The following TNFRSF1B variants were observed in gnomAD, a reference collection of about 807,000 sequenced individuals.
TNFRSF1B encodes TNF receptor superfamily member 1B.
In TNFRSF1B, 19 loss-of-function variants were observed where a neutral mutation model predicts 44.6. The ratio of observed to expected loss-of-function variants is 0.43; its 90% CI spans 0.30 to 0.62. The LOEUF (loss-of-function observed/expected upper bound fraction) is 0.62. Among genes scored for constraint, TNFRSF1B ranks in the 20% least tolerant of loss-of-function variants. The probability of loss-of-function intolerance (pLI) is 0.16; values close to 1 mark genes in which losing one functional copy is unlikely to be tolerated. For missense variants in TNFRSF1B, 541 were observed against 619.9 expected, an observed-to-expected ratio of 0.87 and a Z score of 1.35; for synonymous variants, 252 against 261.1, an observed-to-expected ratio of 0.97 and a Z score of 0.34.
In TNFRSF1B at chr1:12,192,915, T is replaced by TCCACGTCCC; in HGVS notation, c.609_617dup (p.Ser204_Thr206dup). Reference sequence around the variant, plus strand: ...TGCAAGCATGGATGCAGTCTGCACGTCCACGTCCCCCACCCGGAGTATGGC... The same window carrying TCCACGTCCC: ...TGCAAGCATGGATGCAGTCTGCACGTCCACGTCCCCCACGTCCCCCACCCGGAGTATGGC... On this transcript the variant is annotated inframe_insertion, in exon 6 of 10. Transcript: ENST00000376259. 1.2e-6 allele frequency: 2 copies of TCCACGTCCC among 1,614,104 alleles called. No individual in the cohort carries two copies. The highest frequency in any genetic ancestry group is 1.7e-6 in the Non-Finnish European group (2 of 1,180,008).
At chr1:12,185,030 G>A (rs567462796) in intron 1 of TNFRSF1B, among the ~76,000 whole-genome samples, 28 of 152,312 alleles carry the variant, frequency 1.8e-4, no homozygotes, top group Admixed American at 1.4e-3. Context: ...TTGGGGAAGC[G>A]CCCAGCAGCA....
In TNFRSF1B at chr1:12,178,615, G is replaced by T. The variant is rs973617623; in HGVS notation, c.79-10181G>T. Among the ~76,000 whole-genome samples the T allele has an allele frequency of 6.6e-6, 1 of 152,066 alleles. No homozygotes were observed. The highest frequency in any genetic ancestry group is 1.5e-5 in the Non-Finnish European group (1 of 68,012). ...ACAGGAGCCCCTAGGAGGGACCTCT[G>T]ACCTCCCTGAAATGATGGCAGAGGG... On this transcript the variant is annotated intron_variant, in intron 1 of 9. Transcript: ENST00000376259. The surrounding 1 kb of genome is among the most constrained non-coding windows in gnomAD (Gnocchi z 4.3).
rs1639556476 is a variant in TNFRSF1B at position 12,208,217 on chromosome 1, C to T, written c.*1197C>T. 6.5e-6 allele frequency: 1 copy of T among 152,926 alleles called. No individual in the cohort carries two copies. The highest frequency in any genetic ancestry group is 2.4e-5 in the African/African-American group (1 of 41,442). The allele number at this position is 152,926 out of a possible 1,614,324, so 9.5% of individuals were successfully genotyped here. On this transcript the variant is annotated 3_prime_UTR_variant, in exon 10 of 10. Transcript: ENST00000376259. ...CCTTCCTTGCTGTCCTAGGCCACACCATCTCCTTTCAGGGAATTTCAGGAA... is the reference window on the plus strand; with the variant it reads ...CCTTCCTTGCTGTCCTAGGCCACACTATCTCCTTTCAGGGAATTTCAGGAA...
intron 2 of TNFRSF1B, 66 bp downstream of exon 2, chr1:12,188,961 G>C (rs368329439): frequency 2.0e-6 from 3 of 1,465,254 alleles, no homozygotes; most frequent in Non-Finnish European, 9.4e-7. Flanking sequence ...CAGGGGCTGG[G>C]GCGCAAGAGC....
At chr1:12,197,711 T>A (rs1639295720) in intron 8 of TNFRSF1B, among the ~76,000 whole-genome samples, 1 of 152,160 alleles carries the variant, frequency 6.6e-6, no homozygotes, top group Non-Finnish European at 1.5e-5. Flanking sequence ...AAGAGGCCAG[T>A]GGAGAGTCCT....
In TNFRSF1B at chr1:12,199,221, G is replaced by A. The variant is rs1342625225; in HGVS notation, c.901-2746G>A. On this transcript the variant is annotated intron_variant, in intron 8 of 9. Transcript: ENST00000376259. This position sits in a 1 kb window ranked among gnomAD's most constrained non-coding sequence, Gnocchi z 4.0. ...AGGCCAGAAAAACCCCTTTTGTGGG[G>A]TTGTGAGGAGTGACAATTGGCTGCT... Among the ~76,000 whole-genome samples, 1 of 152,240 alleles carries A rather than the reference G, an allele frequency of 6.6e-6. No homozygotes were observed. Among genetic ancestry groups the A allele is most frequent in the Non-Finnish European group, 1.5e-5 (1 of 68,040 alleles).
In TNFRSF1B at chr1:12,202,026, G is replaced by A. The variant is rs1226576469; in HGVS notation, c.960G>A (p.Leu320=). 6 of 1,612,654 alleles carry A rather than the reference G, an allele frequency of 3.7e-6. No homozygotes were observed. Among genetic ancestry groups the A allele is most frequent in the Middle Eastern group, 1.7e-4 (1 of 6,054 alleles). ...AGGGCCCCGAGCAGCAGCACCTGCT[G>A]ATCACAGCGCCGAGCTCCAGCAGCA... The part of the protein sequence containing the change: ...GTQGPEQQHL[L]ITAPSSSSSS... Residue 320 remains leucine, a synonymous_variant, in exon 9 of 10, where the codon CTG becomes CTA. Transcript: ENST00000376259.
intron 2 of TNFRSF1B, among the ~76,000 whole-genome samples, chr1:12,189,423 G>T (rs1205665160): frequency 6.6e-6 from 1 of 152,196 alleles, no homozygotes; most frequent in Non-Finnish European, 1.5e-5. Context: ...AGCACGTGGC[G>T]CAATGCCATG....
chr1:12,200,162 G>A (rs565931149), intron 8 of TNFRSF1B, among the ~76,000 whole-genome samples: 3 of 152,090 alleles, frequency 2.0e-5, no homozygotes, highest in Non-Finnish European at 4.4e-5. Context: ...TTTCCACAAA[G>A]CAAGGATAAC....
chr1:12,203,614 G>C (rs1639438233), intron 9 of TNFRSF1B, among the ~76,000 whole-genome samples: 2 of 152,200 alleles, frequency 1.3e-5, no homozygotes, highest in African/African-American at 4.8e-5. Context: ...GGGAGGGCCT[G>C]GGCCAGTGCC....
At chr1:12,197,766 C>T (rs1278923282) in intron 8 of TNFRSF1B, among the ~76,000 whole-genome samples, 1 of 152,210 alleles carries the variant, frequency 6.6e-6, no homozygotes, top group Non-Finnish European at 1.5e-5. Context: ...CAGCACCCAC[C>T]TGCTCCTCCT....
chr1:12,169,068 C>A lies in TNFRSF1B; in HGVS notation c.78+1899C>A, dbSNP rs889887382. Among the ~76,000 whole-genome samples, 3 of 152,214 alleles carry A rather than the reference C, an allele frequency of 2.0e-5. No homozygotes were observed. The highest frequency in any genetic ancestry group is 2.9e-5 in the Non-Finnish European group (2 of 68,040). ...TCCCCTCTCCAAGGGACACTTCTTA[C>A]CCCTATCCTTCAAGGCCTTCTGCAA... is the stretch of plus-strand genomic sequence containing the variant. On this transcript the variant is annotated intron_variant, in intron 1 of 9. Coordinates refer to ENST00000376259, the MANE Select transcript of TNFRSF1B (RefSeq NM_001066.3). The surrounding 1 kb of genome is among the most constrained non-coding windows in gnomAD (Gnocchi z 4.5).
Position 12,169,614 on chromosome 1 carries a change from G to T in TNFRSF1B, c.78+2445G>T, listed in dbSNP as rs893803562. On this transcript the variant is annotated intron_variant, in intron 1 of 9. Transcript: ENST00000376259. This position sits in a 1 kb window ranked among gnomAD's most constrained non-coding sequence, Gnocchi z 4.5. The stretch of plus-strand genomic sequence containing the variant: ...CAGGATGGAAGTCAACTGAGCTGCA[G>T]AAGAAGCCCCCAGGAGACCTGAGCT... Among the ~76,000 whole-genome samples, 1 of 152,264 alleles carries T rather than the reference G, an allele frequency of 6.6e-6. No individual in the cohort carries two copies. Among genetic ancestry groups the T allele is most frequent in the East Asian group, 1.9e-4 (1 of 5,208 alleles).
rs771452615 is a variant in TNFRSF1B at position 12,206,848 on chromosome 1, T to C, written c.1214T>C (p.Met405Thr). ...SQCSSQASST[M>T]GDTDSSPSES... is the part of the protein sequence containing the mutation. The stretch of plus-strand genomic sequence containing the variant: ...TGCTCCTCCCAAGCCAGCTCCACAA[T>C]GGGAGACACAGATTCCAGCCCCTCG... Residue 405 changes from methionine (M) to threonine (T), a missense_variant, in exon 10 of 10, where the codon ATG becomes ACG. By Grantham distance (81) the Met-to-Thr change is moderately conservative (BLOSUM62 -1). Transcript: ENST00000376259. 1.9e-6 allele frequency: 3 copies of C among 1,614,050 alleles called. No homozygotes were observed. In the South Asian group the frequency reaches 3.3e-5, roughly 18 times the overall value.
In TNFRSF1B at chr1:12,202,053, C is replaced by T. The variant is rs368749492; in HGVS notation, c.987C>T (p.Ser329=). The T allele has an allele frequency of 5.6e-6, 9 of 1,609,224 alleles. No individual in the cohort carries two copies. The highest frequency in any genetic ancestry group is 1.6e-4 in the Middle Eastern group (1 of 6,066). ...LLITAPSSSS[S]SLESSASALD... is the part of the protein sequence containing the mutation. The stretch of plus-strand genomic sequence containing the variant: ...TCACAGCGCCGAGCTCCAGCAGCAG[C>T]TCCCTGGAGAGCTCGGCCAGTGCGT... The change falls in exon 9 of 10, where the codon AGC becomes AGT. Residue 329 remains serine (S), a synonymous_variant. Coordinates refer to ENST00000376259, the MANE Select transcript of TNFRSF1B (RefSeq NM_001066.3).
Position 12,184,657 on chromosome 1 carries a change from G to A in TNFRSF1B, c.79-4139G>A, listed in dbSNP as rs17885692. Among the ~76,000 whole-genome samples the A allele has an allele frequency of 4.1e-3, 627 of 152,300 alleles. 4 individuals carry two copies. Among genetic ancestry groups the A allele is most frequent in the Middle Eastern group, 6.8e-3 (2 of 294 alleles). ...GTGGCCAGGAGCCCTCGTCCATTGCGGCTCTTGAGAGCCCAAACTTGGCCA... is the reference window on the plus strand; with the variant it reads ...GTGGCCAGGAGCCCTCGTCCATTGCAGCTCTTGAGAGCCCAAACTTGGCCA... On this transcript the variant is annotated intron_variant, in intron 1 of 9. Coordinates refer to ENST00000376259, the MANE Select transcript of TNFRSF1B (RefSeq NM_001066.3).
At chr1:12,197,410 C>G (rs1371831066) in intron 8 of TNFRSF1B, among the ~76,000 whole-genome samples, 1 of 152,190 alleles carries the variant, frequency 6.6e-6, no homozygotes, top group Non-Finnish European at 1.5e-5. Context: ...AGCCAGTTTC[C>G]AACTCCCAAG....
Position 12,172,297 on chromosome 1 carries a change from C to A in TNFRSF1B, c.78+5128C>A, listed in dbSNP as rs142021213. Among the ~76,000 whole-genome samples, 14 of 152,356 alleles carry A rather than the reference C, an allele frequency of 9.2e-5. No homozygotes were observed. The East Asian group carries it at 2.7e-3, about 29-fold the overall frequency. ...GGCCCCGGCCTCTGAATCAGATAAA[C>A]CTCAAGTCGCTGCTCTGCTGTTTTA... On this transcript the variant is annotated intron_variant, in intron 1 of 9. Coordinates refer to ENST00000376259, the MANE Select transcript of TNFRSF1B (RefSeq NM_001066.3).
At position 12,177,843 on chromosome 1, in the gene TNFRSF1B, T is replaced by G. The variant is rs1449345432; in HGVS notation, c.78+10674T>G. On this transcript the variant is annotated intron_variant, in intron 1 of 9. Transcript: ENST00000376259. The surrounding 1 kb of genome is among the most constrained non-coding windows in gnomAD (Gnocchi z 4.3). The stretch of plus-strand genomic sequence containing the variant: ...TGACATTTAGCGGGTGCTTCTTGGG[T>G]GCAATGCGCAAGAGACCGATGCATT... 6.7e-6 allele frequency among the ~76,000 whole-genome samples: 1 copy of G among 149,624 alleles called. No individual in the cohort carries two copies.
Sources: gnomAD v4.1 joint callset for allele counts (sites outside exome capture counted in the v4.1 genomes callset) on GRCh38, gnomAD v4.1.1 for gene constraint, Gnocchi (gnomAD v3.1) non-coding constraint, MANE v1.5 for transcripts, NCBI Gene and HGNC (gene_info 2026-07-23, HGNC 2026-07-21) for gene names.